Variants in ZC3H4 observed in about 807,000 individuals in gnomAD.
ZC3H4 encodes zinc finger CCCH-type containing 4, also known as zinc finger CCCH domain-containing protein 4.
Under a neutral mutation model 108.3 loss-of-function variants are expected in ZC3H4, and 13 were observed. That is an observed-to-expected ratio of 0.12 (90% CI 0.08 to 0.19). The LOEUF (loss-of-function observed/expected upper bound fraction) is 0.19, where lower values mean the gene tolerates loss of function less well. Ranked by LOEUF, ZC3H4 falls within the 10% of genes least tolerant of loss-of-function variation. ZC3H4 has a pLI of 1.00. For missense variants in ZC3H4, 1,734 were observed against 1,838.8 expected (o/e 0.94, Z 1.04); for synonymous variants, 917 against 749.6 (o/e 1.22, Z -3.65).
At chr19:47,092,258 T>C (rs1033322261) in intron 4 of ZC3H4, among the ~76,000 whole-genome samples, 3 of 152,084 alleles carry the variant, frequency 2.0e-5, no homozygotes, top group Middle Eastern at 3.2e-3. Context: ...ATCCGAATTA[T>C]AGAAAAACAG....
At chr19:47,112,746 C>G (rs149751443) in intron 1 of ZC3H4, among the ~76,000 whole-genome samples, 157 bp from the exon 2 acceptor site, 2 of 152,210 alleles carry the variant, frequency 1.3e-5, no homozygotes, top group African/African-American at 4.8e-5. Context: ...GCCGCACGGC[C>G]TAGGCCTCGG....
At chr19:47,084,292 G>A (rs1056779598) in intron 9 of ZC3H4, 53 bp downstream of exon 9, 2 of 1,548,954 alleles carry the variant, frequency 1.3e-6, no homozygotes, top group Non-Finnish European at 1.8e-6. Flanking sequence ...GAAGCCATGT[G>A]TCCTCTGGGG....
At position 47,066,440 on chromosome 19, in the gene ZC3H4, C is replaced by G; in HGVS notation, c.3828G>C (p.Pro1276=). ...CCGCATCCTGCTCACCCTCGCGGGC[C>G]GGACTGTTCCCAGCAAATGGGCTTC... ...GSGSPFAGNS[P]AREGEQDAAS... The change falls in exon 15 of 15, where the codon CCG becomes CCC. Residue 1276 remains proline (P), a synonymous_variant. Transcript: ENST00000253048. 6.3e-7 allele frequency: 1 copy of G among 1,576,028 alleles called. No individual in the cohort carries two copies. The highest frequency in any genetic ancestry group is 8.6e-7 in the Non-Finnish European group (1 of 1,162,698).
In ZC3H4 at chr19:47,084,547, A is replaced by C; in HGVS notation, c.1108-92T>G. The C allele has an allele frequency of 2.4e-6, 3 of 1,256,896 alleles. No homozygotes were observed. The South Asian group carries it at 3.7e-5, about 16-fold the overall frequency. 77.9% of individuals were successfully genotyped at this position (1,256,896 alleles called of 1,614,324 possible). ...ATAAGAAGCACGGGAGAAGGGGATG[A>C]GGGGTCCCTTCAGATCTCACAAGAG... On this transcript the variant is annotated intron_variant, in intron 8 of 14. Coordinates refer to ENST00000253048, the MANE Select transcript of ZC3H4 (RefSeq NM_015168.2).
At position 47,066,738 on chromosome 19, in the gene ZC3H4, T is replaced by C; in HGVS notation, c.3530A>G (p.Asn1177Ser). Residue 1177 changes from asparagine (N) to serine (S), a missense_variant, in exon 15 of 15, where the codon AAT becomes AGT. This residue lies in a region of ZC3H4 where 518 missense variants were observed against 499.6 expected (regional missense o/e 1.04). Coordinates refer to ENST00000253048, the MANE Select transcript of ZC3H4 (RefSeq NM_015168.2). The stretch of plus-strand genomic sequence containing the variant: ...AGCCTTGGAGGCCGAGCTCTTGCCA[T>C]TGCCCTCAGCACCCTTGGGCTGGGC... ...TGAQPKGAEG[N>S]GKSSASKAKE... The C allele has an allele frequency of 6.2e-7, 1 of 1,606,158 alleles. No individual in the cohort carries two copies.
chr19:47,092,271 C>CA (rs2057746752), intron 4 of ZC3H4, among the ~76,000 whole-genome samples: 1 of 152,140 alleles, frequency 6.6e-6, no homozygotes, highest in African/African-American at 2.4e-5. Flanking sequence ...AAAAACAGGA[C>CA]AATGCAAAAT....
In ZC3H4 at chr19:47,086,309, T is replaced by A. The variant is rs1051811706; in HGVS notation, c.870+75A>T. The A allele has an allele frequency of 1.9e-6, 3 of 1,579,880 alleles. No homozygotes were observed. The Admixed American group carries it at 5.6e-5, about 30-fold the overall frequency. ...GTCTTCCTACCTTGGCCTCACAGCC[T>A]CTACCAGCAGTGCTCACGCCCCGGA... is the stretch of plus-strand genomic sequence containing the variant. On this transcript the variant is annotated intron_variant, in intron 6 of 14. Coordinates refer to ENST00000253048, the MANE Select transcript of ZC3H4 (RefSeq NM_015168.2).
intron 5 of ZC3H4, among the ~76,000 whole-genome samples, chr19:47,089,183 C>T (rs540465045): frequency 3.1e-5 from 4 of 127,140 alleles, no homozygotes; most frequent in South Asian, 2.5e-4. Context: ...TCCAGCCTGG[C>T]GACAGAGCAA....
intron 2 of ZC3H4, among the ~76,000 whole-genome samples, chr19:47,108,003 G>C (rs1333547527): frequency 6.6e-6 from 1 of 152,172 alleles, no homozygotes; most frequent in Non-Finnish European, 1.5e-5. Context: ...CAAACTGGCA[G>C]CTTTTCCATC....
chr19:47,110,274 T>C (rs954030617), intron 2 of ZC3H4, among the ~76,000 whole-genome samples: 2 of 152,144 alleles, frequency 1.3e-5, no homozygotes, highest in African/African-American at 2.4e-5. Context: ...TCCAGTAAGC[T>C]TGTCTCCTAC....
At chr19:47,109,095 CT>C (rs372944250) in intron 2 of ZC3H4, among the ~76,000 whole-genome samples, 2 of 150,670 alleles carry the variant, frequency 1.3e-5, no homozygotes, top group Admixed American at 6.6e-5. Flanking sequence ...ACACCCTTTT[CT>C]TTTTTTTTGC....
At chr19:47,102,907 G>C (rs903124199) in intron 2 of ZC3H4, among the ~76,000 whole-genome samples, 1 of 152,162 alleles carries the variant, frequency 6.6e-6, no homozygotes, top group African/African-American at 2.4e-5. Context: ...TCTGGGGTTT[G>C]TCCAAGCATG....
At position 47,112,520 on chromosome 19, in the gene ZC3H4, G is replaced by A; in HGVS notation, c.65C>T (p.Pro22Leu). The A allele has an allele frequency of 9.5e-7, 1 of 1,054,596 alleles. No homozygotes were observed. Among genetic ancestry groups the A allele is most frequent in the Non-Finnish European group, 1.2e-6 (1 of 818,678 alleles). 65.3% of individuals were successfully genotyped at this position (1,054,596 alleles called of 1,614,324 possible). The change falls in exon 2 of 15, where the codon CCG becomes CTG. Residue 22 changes from proline (P) to leucine (L), a missense_variant. Transcript: ENST00000253048. ...AGGAGGCGAAGGCGTTGATGGCGGC[G>A]GCGGCGATGGCGGCGGCGGCGACTC... ...PSESPPPPSP[P>L]PPSTPSPPPC... is the part of the protein sequence containing the mutation.
chr19:47,086,519 C>T lies in ZC3H4; in HGVS notation c.735G>A (p.Arg245=). The T allele has an allele frequency of 6.3e-7, 1 of 1,594,834 alleles. No homozygotes were observed. Among genetic ancestry groups the T allele is most frequent in the Non-Finnish European group, 8.5e-7 (1 of 1,175,248 alleles). ...SRGRGSRGRG[R]GYRGRGSRGG... ...CACGGCTTCCTCGGCCCCTGTAGCC[C>T]CGGCCCCGGCCTCGGCTGCCTGCAT... Residue 245 remains arginine (R), a synonymous_variant, in exon 6 of 15, where the codon CGG becomes CGA. Transcript: ENST00000253048.
At chr19:47,078,360 T>C (rs1023484685) in intron 11 of ZC3H4, among the ~76,000 whole-genome samples, 2 of 151,726 alleles carry the variant, frequency 1.3e-5, no homozygotes. Flanking sequence ...GGCTCACACC[T>C]GTAATCCCGG....
intron 8 of ZC3H4, among the ~76,000 whole-genome samples, chr19:47,084,790 C>A (rs1830990361): frequency 6.6e-6 from 1 of 152,170 alleles, no homozygotes; most frequent in Admixed American, 6.5e-5. Flanking sequence ...TTGGATGGTT[C>A]ACCTAGAACC....
intron 11 of ZC3H4, among the ~76,000 whole-genome samples, chr19:47,079,380 CTTTT>C (rs546892078): frequency 3.0e-5 from 4 of 134,956 alleles, no homozygotes; most frequent in African/African-American, 2.7e-5. Flanking sequence ...TTTCTTTTTA[CTTTT>C]TTTTTTTTTT....
At position 47,110,284 on chromosome 19, in the gene ZC3H4, C is replaced by A. The variant is rs572459465; in HGVS notation, c.161+2140G>T. 2.6e-5 allele frequency among the ~76,000 whole-genome samples: 4 copies of A among 152,190 alleles called. No homozygotes were observed. In the East Asian group the frequency reaches 7.7e-4, roughly 29 times the overall value. ...TCAAATCCAGTAAGCTTGTCTCCTA[C>A]AAATGGACTTGAAGTATCCACTTTC... On this transcript the variant is annotated intron_variant, in intron 2 of 14. Transcript: ENST00000253048.
At chr19:47,089,919 C>T (rs1228474215) in intron 5 of ZC3H4, 48 bp downstream of exon 5, 7 of 1,604,760 alleles carry the variant, frequency 4.4e-6, no homozygotes, top group East Asian at 2.2e-5. Context: ...GGGGTTGGCC[C>T]GGGTGGCTCC....
Sources: allele counts gnomAD v4.1 joint callset (sites outside exome capture counted in the v4.1 genomes callset), GRCh38; gene constraint gnomAD v4.1.1; regional missense constraint gnomAD v4.1.1; transcripts MANE v1.5; gene names NCBI Gene and HGNC (gene_info 2026-07-23, HGNC 2026-07-21).